The following EFCAB7 variants were observed in gnomAD, a reference collection of about 807,000 sequenced individuals.
EFCAB7 encodes the protein EF-hand calcium binding domain 7, also known as EF-hand calcium-binding domain-containing protein 7.
In EFCAB7, 66 loss-of-function variants were observed where a neutral mutation model predicts 77.1. That is an observed-to-expected ratio of 0.86 (90% confidence interval 0.70 to 1.05). The LOEUF is 1.05. Ranked by LOEUF, EFCAB7 falls within the 50% of genes least tolerant of loss-of-function variation. The pLI is 0.00. For missense variants in EFCAB7, 638 were observed against 730.5 expected (o/e 0.87, Z 1.46); for synonymous variants, 225 against 243.3 (o/e 0.92, Z 0.70).
intron 2 of EFCAB7, chr1:63,527,819 G>C (rs1646621890): frequency 6.6e-6 from 1 of 152,082 alleles, no homozygotes; most frequent in Non-Finnish European, 1.5e-5. Context: ...TATTTTCTTT[G>C]TTACTAAAGA....
intron 7 of EFCAB7, chr1:63,551,203 T>C (rs1168125554): frequency 1.3e-5 from 2 of 152,266 alleles, no homozygotes; most frequent in East Asian, 1.9e-4. Flanking sequence ...AGAAAAGTTA[T>C]GATTTTTAGA....
chr1:63,549,321 T>C, intron 7 of EFCAB7: 1 of 469,946 alleles, frequency 2.1e-6, no homozygotes, highest in Non-Finnish European at 4.4e-6. Context: ...AAGATGTCTT[T>C]TGAAAGGTGT....
At chr1:63,526,826 G>A (rs9436243) in intron 2 of EFCAB7, among the ~76,000 whole-genome samples, 140,770 of 152,154 alleles carry the variant, frequency 0.93, 66,094 homozygotes, top group East Asian at 1. Flanking sequence ...GTGCAGTGGC[G>A]CGATCTTGAT....
chr1:63,533,552 C>T lies in EFCAB7; in HGVS notation c.585C>T (p.Asn195=), dbSNP rs12041368. The change falls in exon 5 of 14, where the codon AAC becomes AAT. Residue 195 remains asparagine (N), a synonymous_variant. Coordinates refer to ENST00000371088, the MANE Select transcript of EFCAB7 (RefSeq NM_032437.4). The stretch of plus-strand genomic sequence containing the variant: ...AATTGATGCGTCACCAGTTTGGAAA[C>T]CACATCGAAGGGTCCCCTGAAAGGG... The part of the protein sequence containing the change: ...DSKLMRHQFG[N]HIEGSPERDP... The T allele has an allele frequency of 1.2e-3, 1,901 of 1,613,206 alleles. 29 individuals carry two copies. The East Asian group carries it at 0.034, about 29-fold the overall frequency.
intron 12 of EFCAB7, chr1:63,570,753 C>T (rs1452273022): frequency 4.3e-6 from 1 of 231,764 alleles, no homozygotes; most frequent in East Asian, 8.8e-5. Context: ...AATAATGTGA[C>T]CCTAGTGTCC....
intron 5 of EFCAB7, 36 bp downstream of exon 5, chr1:63,533,685 A>C (rs752982358): frequency 1.1e-5 from 16 of 1,443,796 alleles, no homozygotes; most frequent in Non-Finnish European, 1.5e-5. Context: ...TCTTGATCAG[A>C]AATGAAGAGT....
At chr1:63,538,422 A>G (rs1458336956) in intron 6 of EFCAB7, among the ~76,000 whole-genome samples, 1 of 151,960 alleles carries the variant, frequency 6.6e-6, no homozygotes, top group Non-Finnish European at 1.5e-5. Flanking sequence ...TGTATGATTG[A>G]AAGTCTATTT....
chr1:63,547,234 A>G (rs552527692), intron 7 of EFCAB7: 18 of 152,376 alleles, frequency 1.2e-4, no homozygotes, highest in African/African-American at 4.3e-4. Context: ...CTTATTAACA[A>G]GATTCCTTTA....
At position 63,533,376 on chromosome 1, in the gene EFCAB7, A is replaced by G. The variant is rs1460438356; in HGVS notation, c.487-78A>G. 5 of 1,024,204 alleles carry G rather than the reference A, an allele frequency of 4.9e-6. No homozygotes were observed. In the African/African-American group the frequency reaches 4.9e-5, roughly 10 times the overall value. 63.4% of individuals were successfully genotyped at this position (1,024,204 alleles called of 1,614,324 possible). A position where few individuals can be genotyped will look rare whatever the true frequency, so the allele number is the denominator to read the frequency against. On this transcript the variant is annotated intron_variant, in intron 4 of 13. Transcript: ENST00000371088. ...CCATCTATCAGTCTGTTCCTTGCCT[A>G]CTAATGTGCATTTGCTTTCTCCTCT...
chr1:63,579,463 G>C, the EFCAB7 span, among the ~76,000 whole-genome samples: 64 of 152,078 alleles, frequency 4.2e-4, no homozygotes, highest in African/African-American at 1.4e-3. Context: ...CATCTGCTGG[G>C]TGGTTTCCAG....
Position 63,538,063 on chromosome 1 carries a change from T to C in EFCAB7, c.804+3847T>C, listed in dbSNP as rs750587173. 2.0e-5 allele frequency among the ~76,000 whole-genome samples: 3 copies of C among 152,164 alleles called. No individual in the cohort carries two copies. The South Asian group carries it at 6.2e-4, about 31-fold the overall frequency. On this transcript the variant is annotated intron_variant, in intron 6 of 13. Transcript: ENST00000371088. The stretch of plus-strand genomic sequence containing the variant: ...GTTATATATTATGAATGAAAATAAG[T>C]AAAATTTGTATATGACAAATAAAGG...
At chr1:63,555,620 T>C in intron 9 of EFCAB7, 105 bp downstream of exon 9, 4 of 949,638 alleles carry the variant, frequency 4.2e-6, no homozygotes, top group Non-Finnish European at 6.0e-6. Flanking sequence ...CCTCAGATTC[T>C]AATTCACCAA....
At position 63,555,399 on chromosome 1, in the gene EFCAB7, GT is replaced by G; in HGVS notation, c.1100del (p.Leu367Ter). On this transcript the variant is annotated frameshift_variant, in exon 9 of 14. Transcript: ENST00000371088. LOFTEE classifies it high-confidence loss of function. ...GTGAACTAGGACCTGGAATTTACTG[GT>G]TAATTCCTTCCACAACTGGCTGTAG... is the stretch of plus-strand genomic sequence containing the variant. ...TGELGPGIYW[L>X]IPSTTGCRLR... 1.2e-6 allele frequency: 2 copies of G among 1,613,614 alleles called. No homozygotes were observed. The highest frequency in any genetic ancestry group is 1.7e-6 in the Non-Finnish European group (2 of 1,179,728).
chr1:63,576,563 T>C (rs968191546), downstream of EFCAB7, among the ~76,000 whole-genome samples: 11 of 150,602 alleles, frequency 7.3e-5, no homozygotes, highest in Middle Eastern at 6.9e-3. Flanking sequence ...CTCACGCCTG[T>C]AATCCCAGCA....
chr1:63,561,771 G>A lies in EFCAB7; in HGVS notation c.1411G>A (p.Glu471Lys). Residue 471 changes from glutamate (E) to lysine (K), a missense_variant, in exon 11 of 14, where the codon GAA becomes AAA. Transcript: ENST00000371088. ...AGGATTTATGGATTTGAATCTAATG[G>A]AAGCTAATGATCGAGAAGGAGATCC... ...RQGFMDLNLM[E>K]ANDREGDPCD... is the part of the protein sequence containing the mutation. The A allele has an allele frequency of 6.2e-7, 1 of 1,610,532 alleles. No homozygotes were observed.
intron 8 of EFCAB7, among the ~76,000 whole-genome samples, chr1:63,553,521 G>A (rs181711306): frequency 3.9e-5 from 6 of 152,156 alleles, no homozygotes; most frequent in Admixed American, 1.3e-4. Context: ...TGTATTTTTC[G>A]TAAAGACAGG....
chr1:63,527,555 G>A (rs1372217841), intron 2 of EFCAB7, among the ~76,000 whole-genome samples: 1 of 152,056 alleles, frequency 6.6e-6, no homozygotes, highest in Non-Finnish European at 1.5e-5. Context: ...GAACTTTAAA[G>A]TAAACCCTGG....
At chr1:63,564,660 T>G (rs1647149210) in intron 11 of EFCAB7, among the ~76,000 whole-genome samples, 1 of 152,146 alleles carries the variant, frequency 6.6e-6, no homozygotes, top group African/African-American at 2.4e-5. Flanking sequence ...GATTCAATGA[T>G]ATTCCCACTA....
At chr1:63,539,163 C>G (rs1646799292) in intron 6 of EFCAB7, among the ~76,000 whole-genome samples, 1 of 152,160 alleles carries the variant, frequency 6.6e-6, no homozygotes, top group Admixed American at 6.5e-5. Flanking sequence ...CCAGAGGTAG[C>G]ATCAGCACAT....
Sources: gnomAD v4.1 joint callset for allele counts (sites outside exome capture counted in the v4.1 genomes callset) on GRCh38, gnomAD v4.1.1 for gene constraint, MANE v1.5 for transcripts, NCBI Gene and HGNC (gene_info 2026-07-23, HGNC 2026-07-21) for gene names.